ASIC2: variants seen among roughly 807,000 people sequenced by gnomAD.
ASIC2 encodes the protein acid-sensing ion channel 2.
ASIC2 carries 25 observed loss-of-function variants against 57.3 expected under a neutral mutation model. That is an observed-to-expected ratio of 0.44 (90% CI 0.32 to 0.61). The LOEUF is 0.61. Among genes scored for constraint, ASIC2 ranks in the 20% least tolerant of loss-of-function variants. The probability of loss-of-function intolerance (pLI) is 0.06; values close to 1 mark genes in which losing one functional copy is unlikely to be tolerated. For missense variants in ASIC2, 641 were observed against 738.1 expected, an observed-to-expected ratio of 0.87 and a Z score of 1.52; for synonymous variants, 319 against 307.5, an observed-to-expected ratio of 1.04 and a Z score of -0.39.
intron 1 of ASIC2, among the ~76,000 whole-genome samples, chr17:33,851,251 G>C (rs1913755823): frequency 6.6e-6 from 1 of 152,090 alleles, no homozygotes; most frequent in Admixed American, 6.5e-5. Flanking sequence ...CCCACCAGGG[G>C]AGGGCCCTAG....
chr17:34,014,671 A>G (rs932929284), intron 1 of ASIC2, among the ~76,000 whole-genome samples: 1 of 152,172 alleles, frequency 6.6e-6, no homozygotes, highest in Non-Finnish European at 1.5e-5. Flanking sequence ...CTAGCTGCCA[A>G]TCTGGTCCAG....
intron 1 of ASIC2, among the ~76,000 whole-genome samples, chr17:33,467,997 G>T (rs1391408942): frequency 6.6e-6 from 1 of 152,214 alleles, no homozygotes; most frequent in African/African-American, 2.4e-5. Flanking sequence ...TATGCCCTCA[G>T]TGGTGGGGAG....
intron 1 of ASIC2, among the ~76,000 whole-genome samples, chr17:33,741,448 TA>T (rs2142098149): frequency 6.6e-6 from 1 of 152,324 alleles, no homozygotes; most frequent in South Asian, 2.1e-4. Flanking sequence ...CTTTACTTTT[TA>T]CATGCGTGAG....
chr17:33,807,399 G>A (rs8076171), intron 1 of ASIC2, among the ~76,000 whole-genome samples: 124,074 of 152,162 alleles, frequency 0.82, 50,950 homozygotes, highest in African/African-American at 0.86. Flanking sequence ...GCCCCATGCT[G>A]GGTGCTGCTA....
At chr17:33,040,345 C>T (rs1046325077) in intron 3 of ASIC2, among the ~76,000 whole-genome samples, 2 of 152,220 alleles carry the variant, frequency 1.3e-5, no homozygotes, top group African/African-American at 4.8e-5. Context: ...AACAGTTTGA[C>T]CACTTCTTCA....
chr17:33,699,883 C>A (rs1003831811), intron 1 of ASIC2, among the ~76,000 whole-genome samples: 1 of 152,070 alleles, frequency 6.6e-6, no homozygotes, highest in Non-Finnish European at 1.5e-5. Context: ...GAGAGGAGTA[C>A]ATATAAACTG....
rs7217075 is a variant in ASIC2 at position 33,903,475 on chromosome 17, A to C, written c.555+252503T>G. On this transcript the variant is annotated intron_variant, in intron 1 of 9. Coordinates refer to the ASIC2 transcript ENST00000359872. ...GTCAAGTAAGTTTGGAAAACACTGC[A>C]TGCTTTCTTTAGAGTTCAGAATACA... Among the ~76,000 whole-genome samples, 92 of 152,372 alleles carry C rather than the reference A, an allele frequency of 6.0e-4. 1 individual carries two copies. The highest frequency in any genetic ancestry group is 2.2e-3 in the African/African-American group (92 of 41,598).
chr17:33,593,550 G>A (rs35875280), intron 1 of ASIC2, among the ~76,000 whole-genome samples: 1 of 152,164 alleles, frequency 6.6e-6, no homozygotes, highest in African/African-American at 2.4e-5. Flanking sequence ...TTGCCTCTTG[G>A]TCAGGTTTTC....
chr17:33,311,215 G>T (rs1245006714), intron 1 of ASIC2, among the ~76,000 whole-genome samples: 1 of 152,178 alleles, frequency 6.6e-6, no homozygotes, highest in Non-Finnish European at 1.5e-5. Flanking sequence ...TAGGTCTCTA[G>T]GTATGACTGG....
chr17:33,835,039 G>A (rs1279570678), intron 1 of ASIC2, among the ~76,000 whole-genome samples: 1 of 152,262 alleles, frequency 6.6e-6, no homozygotes, highest in Non-Finnish European at 1.5e-5. Context: ...CACTGTGGGT[G>A]TAGTAATGAA....
chr17:33,697,704 TGAC>T (rs922281987), intron 1 of ASIC2, among the ~76,000 whole-genome samples: 1 of 152,202 alleles, frequency 6.6e-6, no homozygotes, highest in African/African-American at 2.4e-5. Context: ...GAGAGTCCCT[TGAC>T]TAAGGACTGC....
Position 33,368,456 on chromosome 17 carries a change from G to T in ASIC2, c.556-256389C>A, listed in dbSNP as rs1169461757. 2.6e-5 allele frequency among the ~76,000 whole-genome samples: 4 copies of T among 152,226 alleles called. 1 individual carries two copies. The highest frequency in any genetic ancestry group is 5.9e-5 in the Non-Finnish European group (4 of 68,040). The stretch of plus-strand genomic sequence containing the variant: ...CCCAGACTTCAGGGATCAGAGAACA[G>T]ACTTCCCTGTGGAGTCTTATTTGAA... On this transcript the variant is annotated intron_variant, in intron 1 of 9. Coordinates refer to the ASIC2 transcript ENST00000359872.
intron 1 of ASIC2, among the ~76,000 whole-genome samples, chr17:33,925,597 G>C (rs142967667): frequency 2.0e-5 from 3 of 152,334 alleles, no homozygotes; most frequent in Admixed American, 1.3e-4. Flanking sequence ...ACCTTAGAAA[G>C]GTTGGGTTGA....
chr17:33,336,688 C>T (rs551702481), intron 1 of ASIC2, among the ~76,000 whole-genome samples: 1 of 152,128 alleles, frequency 6.6e-6, no homozygotes, highest in South Asian at 2.1e-4. Context: ...TGGCGGTGAT[C>T]AGCATTTTCC....
chr17:33,335,902 T>C (rs972227261), intron 1 of ASIC2, among the ~76,000 whole-genome samples: 8 of 152,318 alleles, frequency 5.3e-5, no homozygotes, highest in South Asian at 4.2e-4. Flanking sequence ...CAAGTGCTAA[T>C]AGACTCACAG....
chr17:33,152,349 G>T (rs965665623), intron 1 of ASIC2, among the ~76,000 whole-genome samples: 15 of 152,184 alleles, frequency 9.9e-5, no homozygotes, highest in Non-Finnish European at 1.8e-4. Context: ...ATGCTGCAAG[G>T]TCGTGAATGC....
At chr17:33,114,842 C>A (rs1459003633) in intron 1 of ASIC2, among the ~76,000 whole-genome samples, 1 of 152,152 alleles carries the variant, frequency 6.6e-6, no homozygotes, top group African/African-American at 2.4e-5. Flanking sequence ...CAACTGGGAC[C>A]CTTTCCTTCC....
intron 1 of ASIC2, among the ~76,000 whole-genome samples, chr17:34,139,808 T>C (rs1413337224): frequency 6.6e-6 from 1 of 152,166 alleles, no homozygotes; most frequent in Non-Finnish European, 1.5e-5. Context: ...GTACGGGGTT[T>C]CTTTCTGAGG....
intron 1 of ASIC2, chr17:33,689,042 C>CA (rs2142062439): frequency 6.6e-6 from 1 of 152,350 alleles, no homozygotes; most frequent in South Asian, 2.1e-4. Flanking sequence ...ACTGACTGTA[C>CA]ATGCAAGCAA....
Sources: gnomAD v4.1 joint callset for allele counts (sites outside exome capture counted in the v4.1 genomes callset) on GRCh38, gnomAD v4.1.1 for gene constraint, MANE v1.5 for transcripts, NCBI Gene and HGNC (gene_info 2026-07-23, HGNC 2026-07-21) for gene names.